The following EHBP1 variants were observed in gnomAD, a reference collection of about 807,000 sequenced individuals.
EHBP1 encodes EH domain-binding protein 1.
In EHBP1, 55 loss-of-function variants were observed where a neutral mutation model predicts 144.0. That is an observed-to-expected ratio of 0.38 (90% CI 0.31 to 0.48). EHBP1 has a LOEUF of 0.48. EHBP1 is among the 20% of genes least tolerant of loss of function. The pLI, the probability that EHBP1 is intolerant of heterozygous loss-of-function variation, is 0.98. For missense variants in EHBP1, 1,200 were observed against 1,364.2 expected, an observed-to-expected ratio of 0.88 and a Z score of 1.90; for synonymous variants, 469 against 472.7, an observed-to-expected ratio of 0.99 and a Z score of 0.10.
intron 10 of EHBP1, among the ~76,000 whole-genome samples, chr2:62,901,465 C>T (rs927622593): frequency 6.6e-6 from 1 of 151,696 alleles, no homozygotes; most frequent in African/African-American, 2.4e-5. Flanking sequence ...GAATTGGGAA[C>T]GTTTAAAAAA....
intron 5 of EHBP1, among the ~76,000 whole-genome samples, chr2:62,780,293 C>CT (rs2042335505): frequency 6.6e-6 from 1 of 152,050 alleles, no homozygotes; most frequent in Non-Finnish European, 1.5e-5. Flanking sequence ...TTCAGACAGG[C>CT]TTTTTTAGTC....
chr2:62,820,601 T>G (rs2045869745), intron 5 of EHBP1, among the ~76,000 whole-genome samples: 1 of 151,396 alleles, frequency 6.6e-6, no homozygotes. Flanking sequence ...TCATATAATA[T>G]TTGTCCTTTT....
Position 62,874,350 on chromosome 2 carries a change from A to T in EHBP1, c.1003A>T (p.Asn335Tyr). 1 of 1,582,342 alleles carries T rather than the reference A, an allele frequency of 6.3e-7. No individual in the cohort carries two copies. The highest frequency in any genetic ancestry group is 1.2e-5 in the South Asian group (1 of 85,048). ...AATAATTCTTCTTTCACTTAGATCA[A>T]ATCCTTTTTATGAACCTAAATCAAC... Reference protein sequence around the residue: ...KTEEEELDESNPFYEPKSTPP... With the variant: ...KTEEEELDESYPFYEPKSTPP... The change falls in exon 10 of 23, where the codon AAT becomes TAT. Residue 335 changes from asparagine to tyrosine, a missense_variant. This residue lies in a region of EHBP1 where 266 missense variants were observed against 262.4 expected (regional missense o/e 1.01). Coordinates refer to ENST00000431489, the MANE Select transcript of EHBP1 (RefSeq NM_001142616.3).
intron 9 of EHBP1, chr2:62,872,034 G>C (rs899797009): frequency 3.3e-5 from 5 of 151,992 alleles, no homozygotes; most frequent in African/African-American, 1.2e-4. Flanking sequence ...TTTTATTCAG[G>C]GAAGCTACAT....
chr2:62,861,658 C>T (rs917892912), intron 8 of EHBP1, among the ~76,000 whole-genome samples: 1 of 151,690 alleles, frequency 6.6e-6, no homozygotes, highest in Non-Finnish European at 1.5e-5. Flanking sequence ...AGGAGAATCA[C>T]TTGAACTCAG....
At position 62,949,007 on chromosome 2, in the gene EHBP1, A is replaced by C; in HGVS notation, c.2161A>C (p.Thr721Pro). 4 of 1,613,878 alleles carry C rather than the reference A, an allele frequency of 2.5e-6. No individual in the cohort carries two copies. Among genetic ancestry groups the C allele is most frequent in the Non-Finnish European group, 3.4e-6 (4 of 1,179,946 alleles). Reference protein sequence around the residue: ...RSDPESPIKKTSLSPTSKLGY... With the variant: ...RSDPESPIKKPSLSPTSKLGY... The stretch of plus-strand genomic sequence containing the variant: ...AGATCCAGAATCTCCTATCAAAAAA[A>C]CAAGTTTATCTCCTACTTCTAAACT... Residue 721 changes from threonine to proline, a missense_variant, in exon 13 of 23, where the codon ACA (threonine) becomes CCA (proline). Thr to Pro is a conservative substitution (Grantham distance 38, BLOSUM62 -1). Transcript: ENST00000431489.
chr2:62,830,349 T>G (rs1484493716), intron 6 of EHBP1, among the ~76,000 whole-genome samples: 1 of 152,128 alleles, frequency 6.6e-6, no homozygotes, highest in Non-Finnish European at 1.5e-5. Flanking sequence ...TTGGTTAGGC[T>G]GGTCTCGAAC....
intron 10 of EHBP1, among the ~76,000 whole-genome samples, chr2:62,889,396 A>T (rs951223753): frequency 6.6e-6 from 1 of 152,036 alleles, no homozygotes; most frequent in Non-Finnish European, 1.5e-5. Context: ...GAAGCTCTTC[A>T]GTTTAATTAA....
At chr2:62,992,205 T>C (rs1225802054) in intron 16 of EHBP1, among the ~76,000 whole-genome samples, 2 of 152,138 alleles carry the variant, frequency 1.3e-5, no homozygotes, top group East Asian at 1.9e-4. Context: ...TTTATTTTGG[T>C]AAAGACTTGA....
intron 10 of EHBP1, among the ~76,000 whole-genome samples, chr2:62,877,991 G>C (rs763789734): frequency 3.3e-5 from 5 of 152,134 alleles, no homozygotes; most frequent in Non-Finnish European, 7.3e-5. Flanking sequence ...AATCAGAGCT[G>C]AAGTCTATGA....
At chr2:63,035,229 A>G (rs1245403486) in intron 19 of EHBP1, among the ~76,000 whole-genome samples, 1 of 152,094 alleles carries the variant, frequency 6.6e-6, no homozygotes, top group Non-Finnish European at 1.5e-5. Flanking sequence ...ATAGATGTCC[A>G]TCATTGTATA....
At chr2:62,749,754 T>C (rs2039501028) in intron 3 of EHBP1, among the ~76,000 whole-genome samples, 2 of 152,228 alleles carry the variant, frequency 1.3e-5, no homozygotes, top group Admixed American at 1.3e-4. Context: ...CATTTTTTCA[T>C]GTGTCTTTTG....
At chr2:62,850,450 A>T (rs184598812) in intron 7 of EHBP1, among the ~76,000 whole-genome samples, 3 of 152,184 alleles carry the variant, frequency 2.0e-5, no homozygotes, top group Non-Finnish European at 4.4e-5. Context: ...TCCTTACTGT[A>T]AGGAAGAATC....
intron 7 of EHBP1, among the ~76,000 whole-genome samples, chr2:62,850,425 G>T (rs543697286): frequency 2.0e-5 from 3 of 151,760 alleles, no homozygotes; most frequent in Middle Eastern, 3.4e-3. Context: ...GGTCAATTTC[G>T]ATCTTCTTTT....
chr2:63,008,592 A>G (rs150184927), intron 19 of EHBP1, among the ~76,000 whole-genome samples: 2 of 149,360 alleles, frequency 1.3e-5, no homozygotes, highest in Non-Finnish European at 3.0e-5. Context: ...GGAGCAAAAG[A>G]TATCTTTTTG....
At chr2:62,756,622 A>G (rs2040306088) in intron 3 of EHBP1, among the ~76,000 whole-genome samples, 1 of 152,058 alleles carries the variant, frequency 6.6e-6, no homozygotes, top group Non-Finnish European at 1.5e-5. Flanking sequence ...ATACAAAATG[A>G]GCTGGAAGTG....
intron 14 of EHBP1, among the ~76,000 whole-genome samples, chr2:62,973,058 G>A (rs1012606309): frequency 5.3e-5 from 8 of 152,266 alleles, no homozygotes; most frequent in African/African-American, 1.9e-4. Context: ...TTTAGAGTTG[G>A]TTTTATTAAG....
chr2:62,889,351 C>T (rs2052238830), intron 10 of EHBP1, among the ~76,000 whole-genome samples: 1 of 151,600 alleles, frequency 6.6e-6, no homozygotes, highest in Non-Finnish European at 1.5e-5. Context: ...TGTAAGTTGT[C>T]TGTTTACTCT....
intron 1 of EHBP1, among the ~76,000 whole-genome samples, chr2:62,692,037 C>A (rs1217723480): frequency 1.3e-5 from 2 of 151,832 alleles, no homozygotes; most frequent in African/African-American, 4.8e-5. Flanking sequence ...AAAAAGAAGC[C>A]AATATTTATT....
Sources: allele counts gnomAD v4.1 joint callset (sites outside exome capture counted in the v4.1 genomes callset), GRCh38; gene constraint gnomAD v4.1.1; regional missense constraint gnomAD v4.1.1; transcripts MANE v1.5; gene names NCBI Gene and HGNC (gene_info 2026-07-23, HGNC 2026-07-21).